Variants in TENM3 observed in about 807,000 individuals in gnomAD.
The protein encoded by TENM3 is teneurin-3.
In TENM3, 63 loss-of-function variants were observed where a neutral mutation model predicts 255.1. The ratio of observed to expected loss-of-function variants is 0.25; its 90% CI spans 0.20 to 0.30. The LOEUF (loss-of-function observed/expected upper bound fraction) is 0.30, where lower values mean the gene tolerates loss of function less well. Among genes scored for constraint, TENM3 ranks in the 10% least tolerant of loss-of-function variants. TENM3 has a pLI of 1.00. For missense variants in TENM3, 2,929 were observed against 3,461.1 expected, an observed-to-expected ratio of 0.85 and a Z score of 3.86; for synonymous variants, 1,306 against 1,322.3, an observed-to-expected ratio of 0.99 and a Z score of 0.27.
the TENM3 span, among the ~76,000 whole-genome samples, chr4:181,862,219 ACACACACAAGCG>A: frequency 1.3e-5 from 2 of 152,112 alleles, no homozygotes; most frequent in Admixed American, 6.6e-5. Flanking sequence ...TGCAAACTTA[ACACACACAAGCG>A]CACACACACA....
At chr4:182,221,171 A>G (rs919875633) in intron 1 of TENM3, among the ~76,000 whole-genome samples, 11 of 152,368 alleles carry the variant, frequency 7.2e-5, no homozygotes, top group Admixed American at 4.6e-4. Context: ...TATCAAAATA[A>G]GGAGGAAAAA....
chr4:182,509,893 C>T (rs1046548063), intron 3 of TENM3, among the ~76,000 whole-genome samples: 8 of 147,018 alleles, frequency 5.4e-5, no homozygotes, highest in African/African-American at 7.5e-5. Flanking sequence ...GCCGAGACTG[C>T]GCCATTGCAC....
At chr4:181,760,264 AC>A in the TENM3 span, among the ~76,000 whole-genome samples, 2 of 151,710 alleles carry the variant, frequency 1.3e-5, no homozygotes, top group Non-Finnish European at 2.9e-5. Context: ...TCAAAACAGG[AC>A]CCCCAAACTA....
the TENM3 span, among the ~76,000 whole-genome samples, chr4:181,899,157 T>G: frequency 6.6e-6 from 1 of 152,024 alleles, no homozygotes; most frequent in Non-Finnish European, 1.5e-5. Flanking sequence ...AAAAACCATG[T>G]GATTTTTTAT....
At chr4:181,785,299 G>A in the TENM3 span, among the ~76,000 whole-genome samples, 1,938 of 152,208 alleles carry the variant, frequency 0.013, 53 homozygotes, top group African/African-American at 0.044. Context: ...AATCAGAAAG[G>A]GTGGAATGGT....
At chr4:181,591,182 A>C in the TENM3 span, among the ~76,000 whole-genome samples, 1 of 152,352 alleles carries the variant, frequency 6.6e-6, no homozygotes, top group Admixed American at 6.5e-5. Flanking sequence ...TGCTTCCTCT[A>C]TTCACATATC....
At chr4:182,438,807 ACTT>A (rs1772239146) in intron 3 of TENM3, among the ~76,000 whole-genome samples, 1 of 152,240 alleles carries the variant, frequency 6.6e-6, no homozygotes. Flanking sequence ...AAATACTCTA[ACTT>A]CTTCTGCCTT....
intron 3 of TENM3, among the ~76,000 whole-genome samples, chr4:182,390,201 T>C (rs1171686385): frequency 6.6e-6 from 1 of 152,160 alleles, no homozygotes; most frequent in Non-Finnish European, 1.5e-5. Flanking sequence ...TTTTTGAGAT[T>C]TACAGATCCG....
At chr4:182,029,204 G>A in the TENM3 span, among the ~76,000 whole-genome samples, 1 of 151,944 alleles carries the variant, frequency 6.6e-6, no homozygotes, top group African/African-American at 2.4e-5. Flanking sequence ...GAACAAGCAG[G>A]GGAGGTACTA....
At chr4:182,318,409 T>A (rs1290797907) in intron 1 of TENM3, among the ~76,000 whole-genome samples, 1 of 152,150 alleles carries the variant, frequency 6.6e-6, no homozygotes, top group African/African-American at 2.4e-5. Flanking sequence ...TTCATCAGGA[T>A]TAGGAACATG....
chr4:182,349,279 A>G (rs181602890), intron 3 of TENM3, among the ~76,000 whole-genome samples: 14 of 152,310 alleles, frequency 9.2e-5, no homozygotes, highest in African/African-American at 3.4e-4. Context: ...AGTTTAAAGA[A>G]AGAAACAAAA....
chr4:182,155,094 T>A (rs991564119), intron 1 of TENM3, among the ~76,000 whole-genome samples: 2 of 152,172 alleles, frequency 1.3e-5, no homozygotes, highest in African/African-American at 4.8e-5. Context: ...TACAAGACAA[T>A]TGGTTCTATT....
At chr4:181,624,470 G>A in the TENM3 span, among the ~76,000 whole-genome samples, 1 of 152,156 alleles carries the variant, frequency 6.6e-6, no homozygotes, top group Non-Finnish European at 1.5e-5. Context: ...CCTCATGACT[G>A]CAACAATAAC....
chr4:181,658,167 G>GA, the TENM3 span, among the ~76,000 whole-genome samples: 1 of 151,894 alleles, frequency 6.6e-6, no homozygotes, highest in African/African-American at 2.4e-5. Flanking sequence ...TTTTAATACA[G>GA]AAAAAAATAC....
At chr4:182,325,583 TTTTTTCATA>T (rs769615763) in intron 2 of TENM3, among the ~76,000 whole-genome samples, 3 of 152,162 alleles carry the variant, frequency 2.0e-5, no homozygotes, top group Non-Finnish European at 2.9e-5. Flanking sequence ...TTAAACCCAT[TTTTTTCATA>T]TTGTCTGCAC....
the TENM3 span, among the ~76,000 whole-genome samples, chr4:182,000,286 A>C: frequency 6.6e-6 from 1 of 152,256 alleles, no homozygotes; most frequent in Admixed American, 6.5e-5. Context: ...ATGAAATAGC[A>C]GTATTGCTGA....
chr4:181,800,654 T>G, the TENM3 span, among the ~76,000 whole-genome samples: 1 of 152,074 alleles, frequency 6.6e-6, no homozygotes, highest in African/African-American at 2.4e-5. Flanking sequence ...TCCTTACCTA[T>G]AGAGGGAACA....
At chr4:182,061,485 C>T in the TENM3 span, among the ~76,000 whole-genome samples, 6 of 152,088 alleles carry the variant, frequency 3.9e-5, no homozygotes, top group African/African-American at 1.2e-4. Flanking sequence ...ACCCTCAGTG[C>T]TGAACAAGAG....
At chr4:182,250,273 C>G (rs183640067) in intron 1 of TENM3, among the ~76,000 whole-genome samples, 2 of 135,740 alleles carry the variant, frequency 1.5e-5, no homozygotes, top group Non-Finnish European at 3.1e-5. Context: ...AGGATGGTCT[C>G]GATCTCCTGA....
Sources: allele counts gnomAD v4.1 joint callset (sites outside exome capture counted in the v4.1 genomes callset), GRCh38; gene constraint gnomAD v4.1.1; transcripts MANE v1.5; gene names NCBI Gene and HGNC (gene_info 2026-07-23, HGNC 2026-07-21).